ZPBP: variants seen among roughly 807,000 people sequenced by gnomAD.
ZPBP encodes the protein zona pellucida binding protein.
Under a neutral mutation model 44.8 loss-of-function variants are expected in ZPBP, and 26 were observed. The observed-to-expected ratio is 0.58, with a 90% CI of 0.43 to 0.81. ZPBP has a LOEUF of 0.81. Among genes scored for constraint, ZPBP ranks in the 30% least tolerant of loss-of-function variants. The probability of loss-of-function intolerance (pLI) is 0.00; values close to 1 mark genes in which losing one functional copy is unlikely to be tolerated. For synonymous variants in ZPBP, 174 were observed against 153.2 expected (o/e 1.14, Z -1.00); for missense variants, 409 against 434.0 (o/e 0.94, Z 0.51).
intron 2 of ZPBP, among the ~76,000 whole-genome samples, chr7:49,883,068 G>C (rs191385028): frequency 6.2e-4 from 94 of 152,180 alleles, no homozygotes; most frequent in African/African-American, 2.2e-3. Flanking sequence ...CTTTGAGACA[G>C]AGAAGCCAAG....
intron 6 of ZPBP, among the ~76,000 whole-genome samples, chr7:49,985,652 A>T (rs1489840373): frequency 6.9e-6 from 1 of 145,628 alleles, no homozygotes; most frequent in East Asian, 2.0e-4. Context: ...AAAAAAAAAA[A>T]AAAAAAAACC....
intron 7 of ZPBP, among the ~76,000 whole-genome samples, chr7:49,950,340 C>T (rs1284872951): frequency 1.3e-5 from 2 of 151,940 alleles, no homozygotes; most frequent in East Asian, 3.9e-4. Context: ...CAGCTGTATG[C>T]TGTTAACACA....
Position 49,983,397 on chromosome 7 carries a change from G to A in ZPBP, c.906C>T (p.Cys302=). 6.2e-7 allele frequency: 1 copy of A among 1,613,402 alleles called. No homozygotes were observed. The stretch of plus-strand genomic sequence containing the variant: ...GGACATTCATTCCATATCCTGGAAA[G>A]CAGCGATTAATCCAAACCATTTGGA... ...GTLQMVWINR[C]FPGYGMNVQQ... The change falls in exon 7 of 8, where the codon TGC becomes TGT. Residue 302 remains cysteine (C), a synonymous_variant. Coordinates refer to ENST00000046087, the MANE Select transcript of ZPBP (RefSeq NM_007009.3).
chr7:50,049,068 A>G, intron 4 of ZPBP, among the ~76,000 whole-genome samples: 1 of 152,062 alleles, frequency 6.6e-6, no homozygotes, highest in African/African-American at 2.4e-5. Context: ...CAAATTAGAC[A>G]CATTTAGATA....
chr7:50,041,755 A>G (rs766966813), intron 4 of ZPBP, among the ~76,000 whole-genome samples: 10 of 152,184 alleles, frequency 6.6e-5, no homozygotes, highest in Non-Finnish European at 1.3e-4. Context: ...CAAAAACCAG[A>G]ACACTTCTTC....
At chr7:49,870,230 C>T (rs1170013698) in intron 2 of ZPBP, among the ~76,000 whole-genome samples, 1 of 152,092 alleles carries the variant, frequency 6.6e-6, no homozygotes, top group African/African-American at 2.4e-5. Flanking sequence ...GAAACTCCGT[C>T]TCTACTAAAA....
Position 49,931,640 on chromosome 7 carries a change from G to A in ZPBP, n.411+4111C>T, listed in dbSNP as rs149877066. Among the ~76,000 whole-genome samples the A allele has an allele frequency of 3.1e-3, 479 of 152,290 alleles. 3 individuals are homozygous for A. The highest frequency in any genetic ancestry group is 0.02 in the Middle Eastern group (6 of 294). The stretch of plus-strand genomic sequence containing the variant: ...AAGTTTGGAAAATTTGCAGCCTGAC[G>A]ATGGGATAGAAAAGAAAAACCCATT... On this transcript the variant is annotated intron_variant and non_coding_transcript_variant, in intron 1 of 2. Transcript: ENST00000465922.
chr7:49,939,444 AT>A (rs1177397771), intron 7 of ZPBP, among the ~76,000 whole-genome samples: 2 of 152,104 alleles, frequency 1.3e-5, no homozygotes, highest in Non-Finnish European at 2.9e-5. Flanking sequence ...ATACTAAAAT[AT>A]TTTTTCTCTG....
chr7:49,847,959 A>G (rs1410984287), downstream of ZPBP, among the ~76,000 whole-genome samples: 2 of 152,202 alleles, frequency 1.3e-5, no homozygotes, highest in African/African-American at 4.8e-5. Context: ...AGTCCCTCCA[A>G]CGTCAGCAAG....
At chr7:50,083,078 A>G (rs956682257) in intron 2 of ZPBP, among the ~76,000 whole-genome samples, 5 of 151,868 alleles carry the variant, frequency 3.3e-5, no homozygotes, top group Non-Finnish European at 4.4e-5. Context: ...GAGACTCAGC[A>G]TAAGTATATC....
At chr7:50,084,620 A>C (rs564728363) in intron 2 of ZPBP, among the ~76,000 whole-genome samples, 1 of 152,116 alleles carries the variant, frequency 6.6e-6, no homozygotes, top group South Asian at 2.1e-4. Flanking sequence ...CAGTCAGTAT[A>C]TTATGGGCCA....
chr7:49,900,267 C>G (rs1327022418), intron 2 of ZPBP, among the ~76,000 whole-genome samples: 1 of 151,212 alleles, frequency 6.6e-6, no homozygotes, highest in East Asian at 1.9e-4. Flanking sequence ...CCTTTAGAAA[C>G]TAGAAAAAGA....
chr7:49,976,324 C>A (rs1449393300), intron 7 of ZPBP, among the ~76,000 whole-genome samples: 2 of 151,982 alleles, frequency 1.3e-5, no homozygotes, highest in African/African-American at 4.8e-5. Context: ...CCCTTTAGTC[C>A]TTTTTTGAGT....
At chr7:49,952,787 C>T (rs1795403800) in intron 7 of ZPBP, among the ~76,000 whole-genome samples, 1 of 151,796 alleles carries the variant, frequency 6.6e-6, no homozygotes, top group African/African-American at 2.4e-5. Context: ...AATATGTTCT[C>T]CCAACTCCTG....
chr7:50,041,281 A>T (rs929025313), intron 4 of ZPBP, among the ~76,000 whole-genome samples: 1 of 152,204 alleles, frequency 6.6e-6, no homozygotes, highest in Non-Finnish European at 1.5e-5. Flanking sequence ...ACAGCAGTGG[A>T]TCTCCCAGCA....
At chr7:50,092,772 A>T (rs1297214306) in intron 1 of ZPBP, 1 of 282,678 alleles carries the variant, frequency 3.5e-6, no homozygotes, top group African/African-American at 2.2e-5. Context: ...CAAACCTGGC[A>T]GATGACCCAT....
At chr7:49,852,255 C>G (rs931703594) in intron 2 of ZPBP, among the ~76,000 whole-genome samples, 2 of 152,136 alleles carry the variant, frequency 1.3e-5, no homozygotes, top group Admixed American at 6.5e-5. Flanking sequence ...GGTGAGTGAC[C>G]CTGGAGCATC....
At chr7:49,924,151 TAATAATAAC>T (rs1379057412) in intron 1 of ZPBP, among the ~76,000 whole-genome samples, 26 of 149,560 alleles carry the variant, frequency 1.7e-4, no homozygotes, top group African/African-American at 5.7e-4. Context: ...ATAATAATAA[TAATAATAAC>T]AACGTTATAA....
chr7:49,963,417 T>C (rs895453255), intron 7 of ZPBP, among the ~76,000 whole-genome samples: 2 of 151,816 alleles, frequency 1.3e-5, no homozygotes, highest in African/African-American at 2.4e-5. Flanking sequence ...TATAACCATA[T>C]AAAAACTTAA....
Sources: gnomAD v4.1 joint callset for allele counts (sites outside exome capture counted in the v4.1 genomes callset) on GRCh38, gnomAD v4.1.1 for gene constraint, MANE v1.5 for transcripts, NCBI Gene and HGNC (gene_info 2026-07-23, HGNC 2026-07-21) for gene names.